The following CFAP61 variants were observed in gnomAD, a reference collection of about 807,000 sequenced individuals.
CFAP61 encodes the protein cilia- and flagella-associated protein 61.
CFAP61 carries 107 observed loss-of-function variants against 135.6 expected under a neutral mutation model. That is an observed-to-expected ratio of 0.79 (90% CI 0.67 to 0.93). CFAP61 has a LOEUF of 0.93. Among genes scored for constraint, CFAP61 ranks in the 40% least tolerant of loss-of-function variants. The pLI is 0.00. For missense variants in CFAP61, 1,507 were observed against 1,556.2 expected (o/e 0.97, Z 0.53); for synonymous variants, 575 against 578.5 (o/e 0.99, Z 0.09).
In CFAP61 at chr20:20,190,343, GA is replaced by G. The variant is rs537042633; in HGVS notation, c.1513-993del. On this transcript the variant is annotated intron_variant, in intron 14 of 26. Coordinates refer to ENST00000245957, the MANE Select transcript of CFAP61 (RefSeq NM_015585.4). ...TCTCCAGAGTATTATACTGAGTGGG[GA>G]AAAAAGCCAACCCCTACAGGTTGTA... Among the ~76,000 whole-genome samples, 29 of 152,204 alleles carry G rather than the reference GA, an allele frequency of 1.9e-4. No homozygotes were observed. The South Asian group carries it at 5.6e-3, about 29-fold the overall frequency.
At chr20:20,135,671 G>C (rs1017668297) in intron 8 of CFAP61, among the ~76,000 whole-genome samples, 5 of 152,084 alleles carry the variant, frequency 3.3e-5, no homozygotes, top group Non-Finnish European at 5.9e-5. Flanking sequence ...TTATCTCCTG[G>C]CTTTTTTGTT....
chr20:20,328,927 G>C (rs374814198), intron 25 of CFAP61, among the ~76,000 whole-genome samples: 2 of 152,236 alleles, frequency 1.3e-5, no homozygotes, highest in South Asian at 4.1e-4. Context: ...GCCCAAATCC[G>C]GTCTCAAGAT....
Position 20,354,525 on chromosome 20 carries a change from G to T in CFAP61, c.3514-5685G>T, listed in dbSNP as rs530623942. On this transcript the variant is annotated intron_variant, in intron 26 of 26. Coordinates refer to ENST00000245957, the MANE Select transcript of CFAP61 (RefSeq NM_015585.4). ...CTCAAAAAAAAAAAAAAAAAATCAG[G>T]TACAGAAAGGTAAATACTGCACGAT... Among the ~76,000 whole-genome samples, 219 of 150,696 alleles carry T rather than the reference G, an allele frequency of 1.5e-3. 3 individuals are homozygous for T. Among genetic ancestry groups the T allele is most frequent in the Non-Finnish European group, 2.6e-3 (176 of 67,684 alleles).
chr20:20,332,396 C>A (rs1382594501), intron 25 of CFAP61, among the ~76,000 whole-genome samples: 1 of 152,200 alleles, frequency 6.6e-6, no homozygotes, highest in Admixed American at 6.5e-5. Context: ...AATGCCTGGG[C>A]CTTAATTCCG....
At chr20:20,282,196 TTC>T (rs143113853) in intron 22 of CFAP61, among the ~76,000 whole-genome samples, 2 of 152,000 alleles carry the variant, frequency 1.3e-5, no homozygotes, top group African/African-American at 4.8e-5. Context: ...CTCTCTCTCT[TTC>T]TCTCTCTCTC....
At chr20:20,069,279 AT>A (rs1305158213) in intron 2 of CFAP61, among the ~76,000 whole-genome samples, 4 of 152,058 alleles carry the variant, frequency 2.6e-5, no homozygotes, top group Non-Finnish European at 4.4e-5. Context: ...TTTTATTGTT[AT>A]TTATTATTAT....
intron 10 of CFAP61, 109 bp from the exon 11 acceptor site, chr20:20,163,941 C>T: frequency 2.4e-6 from 2 of 835,922 alleles, no homozygotes; most frequent in Non-Finnish European, 3.5e-6. Context: ...GGGTGACAGT[C>T]ACACCTGTCC....
intron 22 of CFAP61, among the ~76,000 whole-genome samples, chr20:20,278,704 C>G (rs1227491919): frequency 6.6e-6 from 1 of 152,118 alleles, no homozygotes; most frequent in African/African-American, 2.4e-5. Flanking sequence ...CTCTCACCCC[C>G]ACCCCAACCC....
chr20:20,202,257 G>A (rs1270391775), intron 17 of CFAP61, among the ~76,000 whole-genome samples: 2 of 152,160 alleles, frequency 1.3e-5, no homozygotes, highest in Non-Finnish European at 2.9e-5. Context: ...TAGCAAATGG[G>A]TGGGAGGATT....
Position 20,290,308 on chromosome 20 carries a change from C to G in CFAP61, c.3133C>G (p.Leu1045Val). Residue 1045 changes from leucine to valine, a missense_variant, in exon 24 of 27, where the codon CTT (leucine) becomes GTT (valine). Leu to Val is a conservative substitution (Grantham distance 32). Coordinates refer to ENST00000245957, the MANE Select transcript of CFAP61 (RefSeq NM_015585.4). ...CTTGCCATCTCTTCTAGGGGGCATT[C>G]TTCCTGGGTCTTACCATTATCTGCA... is the stretch of plus-strand genomic sequence containing the variant. The part of the protein sequence containing the change: ...YKGAKIQGGI[L>V]PGSYHYLHIA... 6.2e-7 allele frequency: 1 copy of G among 1,610,942 alleles called. No homozygotes were observed. The highest frequency in any genetic ancestry group is 1.1e-5 in the South Asian group (1 of 91,030).
In CFAP61 at chr20:20,360,168, T is replaced by C. The variant is rs747921953; in HGVS notation, c.3514-42T>C. ...AAACTGCCGTTACAACTGTGCAGGGTCCAATTAATTTCTGTATCTGGCCTC... is the reference window on the plus strand; with the variant it reads ...AAACTGCCGTTACAACTGTGCAGGGCCCAATTAATTTCTGTATCTGGCCTC... On this transcript the variant is annotated intron_variant, in intron 26 of 26. Transcript: ENST00000245957. 4.2e-6 allele frequency: 6 copies of C among 1,438,916 alleles called. No homozygotes were observed. The South Asian group carries it at 6.9e-5, about 16-fold the overall frequency. 89.1% of individuals were successfully genotyped at this position (1,438,916 alleles called of 1,614,324 possible).
intron 2 of CFAP61, 67 bp from the exon 3 acceptor site, chr20:20,070,787 A>G: frequency 6.7e-7 from 1 of 1,492,682 alleles, no homozygotes; most frequent in Non-Finnish European, 9.1e-7. Context: ...AGAGGGAAAA[A>G]AATGGCATGT....
intron 25 of CFAP61, among the ~76,000 whole-genome samples, chr20:20,333,465 C>T (rs1335422955): frequency 2.0e-5 from 3 of 152,168 alleles, no homozygotes; most frequent in Non-Finnish European, 2.9e-5. Flanking sequence ...GTCAGCAACA[C>T]GAATCTGAGC....
At chr20:20,260,761 G>T (rs1390833981) in intron 20 of CFAP61, among the ~76,000 whole-genome samples, 1 of 152,126 alleles carries the variant, frequency 6.6e-6, no homozygotes, top group East Asian at 1.9e-4. Context: ...CTCTCAATTT[G>T]TTCTTTAGCA....
chr20:20,220,761 A>G (rs2048346435), intron 17 of CFAP61, among the ~76,000 whole-genome samples: 1 of 152,210 alleles, frequency 6.6e-6, no homozygotes. Context: ...AGAACTATCC[A>G]TCATTTCAGA....
intron 17 of CFAP61, 99 bp downstream of exon 17, chr20:20,200,001 TA>T: frequency 1.5e-6 from 2 of 1,366,284 alleles, no homozygotes; most frequent in Non-Finnish European, 2.0e-6. Flanking sequence ...GGCTGCTTCT[TA>T]ATTACAGGGA....
intron 21 of CFAP61, among the ~76,000 whole-genome samples, chr20:20,276,013 C>A (rs1398560534): frequency 2.0e-5 from 3 of 152,192 alleles, no homozygotes; most frequent in Non-Finnish European, 4.4e-5. Context: ...CACTTCAGTG[C>A]CTTCTTGGCT....
rs779003860 is a variant in CFAP61, at chr20:20,188,014, A to G, written c.1470A>G (p.Ile490Met). The change falls in exon 14 of 27, where the codon ATA becomes ATG. Residue 490 changes from isoleucine to methionine, a missense_variant. Coordinates refer to ENST00000245957, the MANE Select transcript of CFAP61 (RefSeq NM_015585.4). ...LVSTLMLNKS[I>M]LEDLDRYNKA... ...GCACCCTCATGTTGAATAAAAGCATATTGGAGGACTTAGACCGTTACAACA... is the reference window on the plus strand; with the variant it reads ...GCACCCTCATGTTGAATAAAAGCATGTTGGAGGACTTAGACCGTTACAACA... The G allele has an allele frequency of 1.1e-5, 18 of 1,614,140 alleles. No homozygotes were observed. In the East Asian group the frequency reaches 1.6e-4, roughly 14 times the overall value.
intron 21 of CFAP61, chr20:20,265,551 G>A: frequency 1.3e-6 from 1 of 773,844 alleles, no homozygotes; most frequent in South Asian, 1.4e-5. Flanking sequence ...AAAGCCATTT[G>A]GAGTGCCTGC....
Sources: allele counts gnomAD v4.1 joint callset (sites outside exome capture counted in the v4.1 genomes callset), GRCh38; gene constraint gnomAD v4.1.1; transcripts MANE v1.5; gene names NCBI Gene and HGNC (gene_info 2026-07-23, HGNC 2026-07-21).